FHIT: variants seen among roughly 807,000 people sequenced by gnomAD.
The protein encoded by FHIT is fragile histidine triad diadenosine triphosphatase, also known as bis(5'-adenosyl)-triphosphatase.
A neutral mutation model predicts 17.9 loss-of-function variants in FHIT; 19 were observed. The ratio of observed to expected loss-of-function variants is 1.06; its 90% confidence interval spans 0.74 to 1.56. The LOEUF is 1.56. Among genes scored for constraint, FHIT ranks in the 40% most tolerant of loss-of-function variants. The pLI is 0.00. For missense variants in FHIT, 248 were observed against 189.2 expected, an observed-to-expected ratio of 1.31 and a Z score of -1.82; for synonymous variants, 81 against 69.7, an observed-to-expected ratio of 1.16 and a Z score of -0.81.
Position 60,011,469 on chromosome 3 carries a change from C to T in FHIT, c.250-69G>A, listed in dbSNP as rs552200244. ...GTATCTCCTGCTTATTCAGAAATAT[C>T]ACCCATTAATAATTTAGATGCAATT... On this transcript the variant is annotated intron_variant, in intron 6 of 9. Coordinates refer to ENST00000492590, the MANE Select transcript of FHIT (RefSeq NM_002012.4). 5 of 1,274,790 alleles carry T rather than the reference C, an allele frequency of 3.9e-6. No homozygotes were observed. The East Asian group carries it at 1.2e-4, about 30-fold the overall frequency. The allele number at this position is 1,274,790 out of a possible 1,614,324, so 79.0% of individuals were successfully genotyped here. A position where few individuals can be genotyped will look rare whatever the true frequency, so the allele number is the denominator to read the frequency against.
intron 5 of FHIT, among the ~76,000 whole-genome samples, chr3:60,119,885 G>A (rs978116408): frequency 6.6e-5 from 10 of 151,932 alleles, no homozygotes; most frequent in African/African-American, 1.9e-4. Context: ...AACTCTACTG[G>A]CTCCCCAGTG....
At chr3:60,625,346 C>A (rs2039256314) in intron 4 of FHIT, among the ~76,000 whole-genome samples, 1 of 152,148 alleles carries the variant, frequency 6.6e-6, no homozygotes, top group South Asian at 2.1e-4. Flanking sequence ...CGTTTTTCAA[C>A]CTTTTGGGGA....
At chr3:59,936,436 C>T (rs1706242983) in intron 7 of FHIT, among the ~76,000 whole-genome samples, 1 of 143,066 alleles carries the variant, frequency 7.0e-6, no homozygotes, top group Non-Finnish European at 1.5e-5. Context: ...TTACTGTTTG[C>T]TATACACATA....
chr3:60,671,408 C>T (rs1210234141), intron 4 of FHIT, among the ~76,000 whole-genome samples: 1 of 152,038 alleles, frequency 6.6e-6, no homozygotes, highest in African/African-American at 2.4e-5. Flanking sequence ...GTTTCAAAAT[C>T]ACTGCAGCTG....
chr3:60,144,576 C>A (rs960524901), intron 5 of FHIT, among the ~76,000 whole-genome samples: 1 of 152,042 alleles, frequency 6.6e-6, no homozygotes, highest in African/African-American at 2.4e-5. Context: ...TCTCAGTTAA[C>A]TGAAGATTTT....
intron 4 of FHIT, among the ~76,000 whole-genome samples, chr3:60,820,590 G>A (rs1350405686): frequency 6.6e-6 from 1 of 152,268 alleles, no homozygotes; most frequent in South Asian, 2.1e-4. Flanking sequence ...GGGCAATCCT[G>A]CCCAACTTTG....
chr3:60,928,718 C>A (rs7633805), intron 3 of FHIT, among the ~76,000 whole-genome samples: 3 of 151,782 alleles, frequency 2.0e-5, no homozygotes, highest in South Asian at 2.1e-4. Flanking sequence ...ATTGAGGCAA[C>A]AATTAATAGC....
chr3:60,032,577 C>T (rs139058579), intron 5 of FHIT, among the ~76,000 whole-genome samples: 3 of 152,200 alleles, frequency 2.0e-5, no homozygotes, highest in East Asian at 1.9e-4. Flanking sequence ...GAAAGTGTGA[C>T]GGGAAACTTT....
intron 7 of FHIT, among the ~76,000 whole-genome samples, chr3:59,939,402 G>T (rs1321950383): frequency 2.0e-5 from 3 of 152,146 alleles, no homozygotes; most frequent in East Asian, 1.9e-4. Context: ...ACTCCAATTT[G>T]CCAGGAATCT....
intron 2 of FHIT, among the ~76,000 whole-genome samples, chr3:61,196,066 T>C (rs1396035667): frequency 2.6e-5 from 4 of 152,152 alleles, no homozygotes; most frequent in Non-Finnish European, 4.4e-5. Flanking sequence ...GTCAGGAGGC[T>C]GTGGGGACCA....
intron 5 of FHIT, among the ~76,000 whole-genome samples, chr3:60,311,957 C>T (rs1708967777): frequency 6.6e-6 from 1 of 152,058 alleles, no homozygotes; most frequent in Admixed American, 6.5e-5. Flanking sequence ...TAAGGTAATA[C>T]AGTATAATAG....
chr3:60,667,744 T>C (rs2040413590), intron 4 of FHIT, among the ~76,000 whole-genome samples: 1 of 40,390 alleles, frequency 2.5e-5, no homozygotes, highest in Admixed American at 1.8e-4. Flanking sequence ...AAGTCTTTCG[T>C]TGTAAGTCAG....
At chr3:60,362,137 A>T (rs952202932) in intron 5 of FHIT, among the ~76,000 whole-genome samples, 24 of 152,178 alleles carry the variant, frequency 1.6e-4, no homozygotes, top group African/African-American at 5.5e-4. Context: ...GAATATATAT[A>T]GATAGTGAAA....
rs574103689 is a variant in FHIT at position 60,570,594 on chromosome 3, G to A, written c.-17-33615C>T. On this transcript the variant is annotated intron_variant, in intron 4 of 9. Transcript: ENST00000492590. ...CTTTGTGAAATCTTTTCCCACTGAAGTCACAGTTTGATGCTTCTTAAAGCT... is the reference window on the plus strand; with the variant it reads ...CTTTGTGAAATCTTTTCCCACTGAAATCACAGTTTGATGCTTCTTAAAGCT... 3.2e-4 allele frequency among the ~76,000 whole-genome samples: 48 copies of A among 152,144 alleles called. No individual in the cohort carries two copies. The Middle Eastern group carries it at 0.01, about 33-fold the overall frequency.
chr3:59,816,174 G>A (rs976022997), intron 8 of FHIT, among the ~76,000 whole-genome samples: 1 of 152,190 alleles, frequency 6.6e-6, no homozygotes, highest in African/African-American at 2.4e-5. Flanking sequence ...GCAAGCTGGT[G>A]AGTTCTTCTG....
chr3:60,570,621 T>C (rs1235925416), intron 4 of FHIT, among the ~76,000 whole-genome samples: 2 of 151,884 alleles, frequency 1.3e-5, no homozygotes, highest in Non-Finnish European at 2.9e-5. Flanking sequence ...CTTAAAGCTC[T>C]GCGTTTGGCA....
intron 4 of FHIT, among the ~76,000 whole-genome samples, chr3:60,585,871 A>C (rs541600548): frequency 2.4e-4 from 36 of 151,858 alleles, no homozygotes; most frequent in Non-Finnish European, 4.6e-4. Flanking sequence ...GATTTGGATA[A>C]ATTTGGGAGA....
At chr3:60,814,080 T>G (rs1701655372) in intron 4 of FHIT, among the ~76,000 whole-genome samples, 1 of 152,160 alleles carries the variant, frequency 6.6e-6, no homozygotes, top group African/African-American at 2.4e-5. Flanking sequence ...TTTTTATTTG[T>G]TTGGTTTCTT....
chr3:60,131,401 G>A (rs1275133309), intron 5 of FHIT, among the ~76,000 whole-genome samples: 3 of 151,982 alleles, frequency 2.0e-5, no homozygotes, highest in Non-Finnish European at 4.4e-5. Flanking sequence ...AGAGCCCATG[G>A]ATACAGAGGT....
Sources: allele counts gnomAD v4.1 joint callset (sites outside exome capture counted in the v4.1 genomes callset), GRCh38; gene constraint gnomAD v4.1.1; transcripts MANE v1.5; gene names NCBI Gene and HGNC (gene_info 2026-07-23, HGNC 2026-07-21).